Variants in TNIK observed in about 807,000 individuals in gnomAD.
TNIK encodes the protein TRAF2 and NCK interacting kinase, also known as TRAF2 and NCK-interacting protein kinase.
A neutral mutation model predicts 191.3 loss-of-function variants in TNIK; 49 were observed. The ratio of observed to expected loss-of-function variants is 0.26; its 90% confidence interval spans 0.20 to 0.32. The LOEUF is 0.32. TNIK is among the 10% of genes least tolerant of loss of function. The pLI is 1.00. For synonymous variants in TNIK, 594 were observed against 600.9 expected, an observed-to-expected ratio of 0.99 and a Z score of 0.17; for missense variants, 1,155 against 1,702.3, an observed-to-expected ratio of 0.68 and a Z score of 5.66.
chr3:171,128,594 A>G, intron 16 of TNIK, 120 bp downstream of exon 16: 1 of 1,270,824 alleles, frequency 7.9e-7, no homozygotes, highest in East Asian at 2.6e-5. Context: ...TATAAATTCT[A>G]TATTAAGGGT....
intron 9 of TNIK, among the ~76,000 whole-genome samples, chr3:171,171,042 A>ACTACAAAGCC (rs1560212060): frequency 3.3e-5 from 5 of 151,886 alleles, no homozygotes; most frequent in African/African-American, 1.2e-4. Context: ...ACAGAATGAG[A>ACTACAAAGCC]CTCTGTCTCT....
At chr3:171,274,269 G>T (rs911187489) in intron 2 of TNIK, among the ~76,000 whole-genome samples, 1 of 151,986 alleles carries the variant, frequency 6.6e-6, no homozygotes, top group Non-Finnish European at 1.5e-5. Context: ...GATTTTTCAG[G>T]GCTGAAAAGC....
At position 171,101,797 on chromosome 3, in the gene TNIK, C is replaced by T. The variant is rs549511407; in HGVS notation, c.2407-164G>A. On this transcript the variant is annotated intron_variant, in intron 21 of 32. Coordinates refer to ENST00000436636, the MANE Select transcript of TNIK (RefSeq NM_015028.4). The stretch of plus-strand genomic sequence containing the variant: ...GGAACTAAGAAAATGATGTTTGTAG[C>T]GTGTAGAAGCTAGAAAAGAAAGATG... 80 of 649,218 alleles carry T rather than the reference C, an allele frequency of 1.2e-4. No homozygotes were observed. In the South Asian group the frequency reaches 1.5e-3, roughly 12 times the overall value. 40.2% of individuals were successfully genotyped at this position (649,218 alleles called of 1,614,324 possible).
At chr3:171,297,550 C>A (rs1298408179) in intron 2 of TNIK, among the ~76,000 whole-genome samples, 3 of 152,094 alleles carry the variant, frequency 2.0e-5, no homozygotes, top group Non-Finnish European at 2.9e-5. Flanking sequence ...AGTTTTCCCC[C>A]AAATTATCAG....
chr3:171,445,665 A>T (rs942226745), intron 1 of TNIK, among the ~76,000 whole-genome samples: 3 of 152,206 alleles, frequency 2.0e-5, no homozygotes, highest in Non-Finnish European at 4.4e-5. Flanking sequence ...CACAGGGTAT[A>T]CGTGCGAGGG....
chr3:171,109,056 C>G (rs1725424794), intron 19 of TNIK, among the ~76,000 whole-genome samples: 2 of 152,164 alleles, frequency 1.3e-5, no homozygotes, highest in Admixed American at 1.3e-4. Context: ...TAAGCCTGAA[C>G]CAGACCAGAG....
In TNIK at chr3:171,445,757, T is replaced by C. The variant is rs192870811; in HGVS notation, c.57+14250A>G. 7.9e-5 allele frequency among the ~76,000 whole-genome samples: 12 copies of C among 152,320 alleles called. No individual in the cohort carries two copies. The East Asian group carries it at 1.9e-3, about 24-fold the overall frequency. ...AAGATGTTTCATTTCTCCAGTGCATTTCTTTATGATGTATCCTACGGTGCA... is the reference window on the plus strand; with the variant it reads ...AAGATGTTTCATTTCTCCAGTGCATCTCTTTATGATGTATCCTACGGTGCA... On this transcript the variant is annotated intron_variant, in intron 1 of 32. Transcript: ENST00000436636.
At chr3:171,178,056 T>G (rs1435403487) in intron 7 of TNIK, among the ~76,000 whole-genome samples, 1 of 152,248 alleles carries the variant, frequency 6.6e-6, no homozygotes, top group Non-Finnish European at 1.5e-5. Context: ...TTTTTATTGT[T>G]GTGTAGTATT....
At chr3:171,224,577 C>CT in intron 3 of TNIK, among the ~76,000 whole-genome samples, 1 of 152,240 alleles carries the variant, frequency 6.6e-6, no homozygotes, top group Admixed American at 6.5e-5. Flanking sequence ...GTGTGACACT[C>CT]TGAGGAGTTT....
intron 2 of TNIK, among the ~76,000 whole-genome samples, chr3:171,271,377 A>G (rs1749080188): frequency 6.6e-6 from 1 of 152,246 alleles, no homozygotes; most frequent in Admixed American, 6.5e-5. Flanking sequence ...AGACTCATTT[A>G]CAAGAAGATC....
intron 1 of TNIK, among the ~76,000 whole-genome samples, chr3:171,405,567 G>A (rs1484961473): frequency 6.7e-6 from 1 of 148,676 alleles, no homozygotes; most frequent in African/African-American, 2.5e-5. Flanking sequence ...TTAAACAACA[G>A]CCTGGAGAAA....
At chr3:171,079,192 T>G (rs1720366182) in intron 28 of TNIK, among the ~76,000 whole-genome samples, 1 of 152,178 alleles carries the variant, frequency 6.6e-6, no homozygotes, top group Non-Finnish European at 1.5e-5. Context: ...CTCTTTCGAT[T>G]TTACCGACAT....
At position 171,079,444 on chromosome 3, in the gene TNIK, C is replaced by T. The variant is rs955206779; in HGVS notation, c.3448+74G>A. 3 of 1,516,654 alleles carry T rather than the reference C, an allele frequency of 2.0e-6. No individual in the cohort carries two copies. In the African/African-American group the frequency reaches 4.2e-5, roughly 21 times the overall value. The allele number at this position is 1,516,654 out of a possible 1,614,324, so 93.9% of individuals were successfully genotyped here. A position where few individuals can be genotyped will look rare whatever the true frequency, so the allele number is the denominator to read the frequency against. On this transcript the variant is annotated intron_variant, in intron 28 of 32. Coordinates refer to ENST00000436636, the MANE Select transcript of TNIK (RefSeq NM_015028.4). ...TGCATCATCAATCTGATAGAAAAAA[C>T]TAGGTGAAACCTAACTAAGTAAGTC... is the stretch of plus-strand genomic sequence containing the variant.
chr3:171,340,426 T>G (rs1417765036), intron 2 of TNIK, among the ~76,000 whole-genome samples: 1 of 152,220 alleles, frequency 6.6e-6, no homozygotes, highest in East Asian at 1.9e-4. Flanking sequence ...AACCTGTGAT[T>G]ATCAGTAAAC....
In TNIK at chr3:171,366,524, G is replaced by A. The variant is rs1311969658; in HGVS notation, c.123+3096C>T. On this transcript the variant is annotated intron_variant, in intron 2 of 32. Coordinates refer to ENST00000436636, the MANE Select transcript of TNIK (RefSeq NM_015028.4). This position sits in a 1 kb window ranked among gnomAD's most constrained non-coding sequence, Gnocchi z 4.1. ...ATATACTTTTTATTTATTATATTAAGTATGTTTCTTTAAAACTACCTGTAA... is the reference window on the plus strand; with the variant it reads ...ATATACTTTTTATTTATTATATTAAATATGTTTCTTTAAAACTACCTGTAA... 1.3e-5 allele frequency among the ~76,000 whole-genome samples: 2 copies of A among 151,984 alleles called. No homozygotes were observed. Among genetic ancestry groups the A allele is most frequent in the East Asian group, 3.9e-4 (2 of 5,184 alleles).
At chr3:171,363,810 C>A (rs1669397642) in intron 2 of TNIK, among the ~76,000 whole-genome samples, 1 of 152,214 alleles carries the variant, frequency 6.6e-6, no homozygotes, top group Non-Finnish European at 1.5e-5. Context: ...AATATTGATT[C>A]TCAGGTCTTG....
At position 171,076,248 on chromosome 3, in the gene TNIK, G is replaced by T. The variant is rs187174398; in HGVS notation, c.3448+3270C>A. Among the ~76,000 whole-genome samples the T allele has an allele frequency of 1.6e-3, 251 of 152,194 alleles. 2 individuals carry two copies. The highest frequency in any genetic ancestry group is 5.9e-3 in the African/African-American group (245 of 41,544). Reference sequence around the variant, plus strand: ...TATTGTGTCAAGGTTATCTGGGAAGGTCACCTGGAATGAAATTAGAGAAAA... The same window carrying T: ...TATTGTGTCAAGGTTATCTGGGAAGTTCACCTGGAATGAAATTAGAGAAAA... On this transcript the variant is annotated intron_variant, in intron 28 of 32. Coordinates refer to ENST00000436636, the MANE Select transcript of TNIK (RefSeq NM_015028.4).
intron 2 of TNIK, among the ~76,000 whole-genome samples, chr3:171,283,897 A>G (rs1750743018): frequency 6.6e-6 from 1 of 152,254 alleles, no homozygotes; most frequent in South Asian, 2.1e-4. Flanking sequence ...TCCACAACCC[A>G]CAAAGGTCTT....
Position 171,110,837 on chromosome 3 carries a change from G to T in TNIK, c.2161C>A (p.Pro721Thr). 1 of 1,605,218 alleles carries T rather than the reference G, an allele frequency of 6.2e-7. No individual in the cohort carries two copies. Reference sequence around the variant, plus strand: ...CTGCCACTGCTGGTCCTCTGCAAGGGGCTCTCCAAGATGGGCTCAGTTCTC... The same window carrying T: ...CTGCCACTGCTGGTCCTCTGCAAGGTGCTCTCCAAGATGGGCTCAGTTCTC... The part of the protein sequence containing the change: ...LRRTEPILES[P>T]LQRTSSGSSS... The change falls in exon 19 of 33, where the codon CCC (proline) becomes ACC (threonine). Residue 721 changes from proline (P) to threonine (T), a missense_variant. Coordinates refer to ENST00000436636, the MANE Select transcript of TNIK (RefSeq NM_015028.4).
Sources: allele counts gnomAD v4.1 joint callset (sites outside exome capture counted in the v4.1 genomes callset), GRCh38; gene constraint gnomAD v4.1.1; non-coding constraint Gnocchi (gnomAD v3.1); transcripts MANE v1.5; gene names NCBI Gene and HGNC (gene_info 2026-07-23, HGNC 2026-07-21).